The following PPP5C variants were observed in gnomAD, a reference collection of about 807,000 sequenced individuals.
PPP5C encodes the protein serine/threonine-protein phosphatase 5.
PPP5C carries 21 observed loss-of-function variants against 66.7 expected under a neutral mutation model. That is an observed-to-expected ratio of 0.31 (90% confidence interval 0.22 to 0.45). The LOEUF is 0.45. PPP5C is among the 20% of genes least tolerant of loss of function. The pLI, the probability that PPP5C is intolerant of heterozygous loss-of-function variation, is 1.00. For synonymous variants in PPP5C, 246 were observed against 257.4 expected (o/e 0.96, Z 0.43); for missense variants, 464 against 675.9 (o/e 0.69, Z 3.48).
intron 2 of PPP5C, among the ~76,000 whole-genome samples, chr19:46,366,500 C>T (rs1224038676): frequency 1.3e-5 from 2 of 152,030 alleles, no homozygotes; most frequent in Admixed American, 1.3e-4. Context: ...TGCATGCCAC[C>T]GTGCCTGGCT....
chr19:46,356,381 T>A (rs186742908), intron 2 of PPP5C, among the ~76,000 whole-genome samples: 1 of 152,370 alleles, frequency 6.6e-6, no homozygotes, highest in East Asian at 1.9e-4. Flanking sequence ...CCCAAGACTC[T>A]ACCTCCTGCT....
chr19:46,357,744 A>G (rs1039460286), intron 2 of PPP5C, among the ~76,000 whole-genome samples: 1 of 152,254 alleles, frequency 6.6e-6, no homozygotes, highest in Non-Finnish European at 1.5e-5. Context: ...TACAAAGGAT[A>G]CAGATGAGAT....
At chr19:46,356,975 C>G (rs548393367) in intron 2 of PPP5C, among the ~76,000 whole-genome samples, 11 of 152,254 alleles carry the variant, frequency 7.2e-5, no homozygotes, top group Non-Finnish European at 2.9e-5. Flanking sequence ...TTTTTCTCAG[C>G]CTTAGTGTCC....
intron 2 of PPP5C, among the ~76,000 whole-genome samples, chr19:46,362,665 A>G (rs1178087205): frequency 6.6e-6 from 1 of 152,152 alleles, no homozygotes; most frequent in Non-Finnish European, 1.5e-5. Context: ...TAAATTTTCT[A>G]TTAACCATTT....
intron 1 of PPP5C, 55 bp downstream of exon 1, chr19:46,347,272 C>A: frequency 1.3e-6 from 2 of 1,533,334 alleles, no homozygotes; most frequent in Non-Finnish European, 1.8e-6. Context: ...GGGTGCCGGG[C>A]CCGCGCGGAA....
At chr19:46,361,589 T>TAAAAAAA (rs935838226) in intron 2 of PPP5C, among the ~76,000 whole-genome samples, 1 of 85,286 alleles carries the variant, frequency 1.2e-5, no homozygotes. Context: ...TACTAAAAAT[T>TAAAAAAA]AAAAAAAAAA....
chr19:46,366,912 C>T (rs376775975), intron 2 of PPP5C, among the ~76,000 whole-genome samples: 58 of 152,248 alleles, frequency 3.8e-4, no homozygotes, highest in African/African-American at 1.3e-3. Context: ...TTTAAAGGGG[C>T]TCACCATATA....
chr19:46,356,330 G>A (rs745390460), intron 2 of PPP5C, among the ~76,000 whole-genome samples: 1 of 152,224 alleles, frequency 6.6e-6, no homozygotes, highest in African/African-American at 2.4e-5. Flanking sequence ...TCCTTTCTGC[G>A]CAGTTCTTCA....
At chr19:46,385,990 G>A (rs1424760802) in intron 7 of PPP5C, among the ~76,000 whole-genome samples, 1 of 151,588 alleles carries the variant, frequency 6.6e-6, no homozygotes, top group Non-Finnish European at 1.5e-5. Context: ...AGAGCCCAGA[G>A]TATTTGCTGG....
chr19:46,385,883 G>A (rs1322088920), intron 7 of PPP5C, among the ~76,000 whole-genome samples: 1 of 151,620 alleles, frequency 6.6e-6, no homozygotes, highest in African/African-American at 2.4e-5. Flanking sequence ...GTGTAAGGCT[G>A]CAGTGAGCCA....
intron 1 of PPP5C, 32 bp from the exon 2 acceptor site, chr19:46,353,716 A>C (rs1430274800): frequency 6.2e-7 from 1 of 1,613,090 alleles, no homozygotes; most frequent in African/African-American, 1.3e-5. Context: ...GGGTTGGAGC[A>C]CTGCCTCATG....
In PPP5C at chr19:46,363,307, CAAAAAAAAAAAAA is replaced by C. The variant is rs1158423038; in HGVS notation, c.363+9346_363+9358del. On this transcript the variant is annotated intron_variant, in intron 2 of 12. Coordinates refer to ENST00000012443, the MANE Select transcript of PPP5C (RefSeq NM_006247.4). ...TGGGCGACAGAGCGAGACTCCATCT[CAAAAAAAAAAAAA>C]AAAAAAAAAAAAAAAAAAAAAAAAA... 5.2e-3 allele frequency among the ~76,000 whole-genome samples: 146 copies of C among 27,910 alleles called. 1 individual carries two copies. The highest frequency in any genetic ancestry group is 0.016 in the African/African-American group (85 of 5,430). The allele number at this position is 27,910 out of a possible 152,430, so 18.3% of individuals were successfully genotyped here.
In PPP5C at chr19:46,387,395, C is replaced by T. The variant is rs750800832; in HGVS notation, c.1077C>T (p.Asp359=). The T allele has an allele frequency of 1.3e-5, 21 of 1,610,980 alleles. No homozygotes were observed. Among genetic ancestry groups the T allele is most frequent in the Middle Eastern group, 1.6e-4 (1 of 6,074 alleles). Residue 359 remains aspartate (D), a synonymous_variant, in exon 9 of 13, where the codon GAC becomes GAT. Transcript: ENST00000012443. ...LIMHGGLFSE[D]GVTLDDIRKI... ...TGCACGGAGGCCTGTTCAGTGAAGA[C>T]GGTGTCACCCTGGATGACATCCGGA...
chr19:46,356,557 G>GCCTGAATTCAGACTGACCTTTGTGCA (rs1972290742), intron 2 of PPP5C, among the ~76,000 whole-genome samples: 1 of 152,154 alleles, frequency 6.6e-6, no homozygotes, highest in African/African-American at 2.4e-5. Context: ...CCTGAATTCA[G>GCCTGAATTCAGACTGACCTTTGTGCA]CCTGAATTCA....
intron 1 of PPP5C, among the ~76,000 whole-genome samples, chr19:46,351,533 C>T (rs768752664): frequency 6.6e-6 from 1 of 152,240 alleles, no homozygotes; most frequent in Non-Finnish European, 1.5e-5. Context: ...CCTGCAGCCT[C>T]GAGTTAGAGA....
At position 46,388,300 on chromosome 19, in the gene PPP5C, C is replaced by G; in HGVS notation, c.1136-108C>G. 1 of 1,248,144 alleles carries G rather than the reference C, an allele frequency of 8.0e-7. No homozygotes were observed. The allele number at this position is 1,248,144 out of a possible 1,614,324, so 77.3% of individuals were successfully genotyped here. ...TGGATGTCCCCTGCCCAACACCCAC[C>G]CAGGCTGGGCTGTGGGGTCAGCACC... On this transcript the variant is annotated intron_variant, in intron 9 of 12. Coordinates refer to ENST00000012443, the MANE Select transcript of PPP5C (RefSeq NM_006247.4). The surrounding 1 kb of genome is among the most constrained non-coding windows in gnomAD (Gnocchi z 4.9).
rs770899505 is a variant in PPP5C at position 46,347,154 on chromosome 19, C to T, written c.58C>T (p.Pro20Ser). ...TGCTGAGCCCCCCCGGGACGAACCC[C>T]CGGCTGATGGAGCTCTGAAGCGGGC... is the stretch of plus-strand genomic sequence containing the variant. Reference protein sequence around the residue: ...ECAEPPRDEPPADGALKRAEE... With the variant: ...ECAEPPRDEPSADGALKRAEE... Residue 20 changes from proline (P) to serine (S), a missense_variant, in exon 1 of 13, where the codon CCG (proline) becomes TCG (serine). Pro to Ser is a moderately conservative substitution (Grantham distance 74). Transcript: ENST00000012443. 1 of 1,605,772 alleles carries T rather than the reference C, an allele frequency of 6.2e-7. No homozygotes were observed. The highest frequency in any genetic ancestry group is 8.5e-7 in the Non-Finnish European group (1 of 1,176,490).
chr19:46,383,123 T>A lies in PPP5C; in HGVS notation c.634-288T>A, dbSNP rs376194841. 3.8e-5 allele frequency: 50 copies of A among 1,330,638 alleles called. No homozygotes were observed. The East Asian group carries it at 1.1e-3, about 30-fold the overall frequency. 82.4% of individuals were successfully genotyped at this position (1,330,638 alleles called of 1,614,324 possible). A position where few individuals can be genotyped will look rare whatever the true frequency, so the allele number is the denominator to read the frequency against. ...TTTATAAAATGTTCTACGATCTGGA[T>A]TCATGCATGTATTTCCACTTGATGC... On this transcript the variant is annotated intron_variant, in intron 4 of 12. Coordinates refer to ENST00000012443, the MANE Select transcript of PPP5C (RefSeq NM_006247.4). This position sits in a 1 kb window ranked among gnomAD's most constrained non-coding sequence, Gnocchi z 5.0.
In PPP5C at chr19:46,388,203, A is replaced by C; in HGVS notation, c.1136-205A>C. On this transcript the variant is annotated intron_variant, in intron 9 of 12. Transcript: ENST00000012443. This position sits in a 1 kb window ranked among gnomAD's most constrained non-coding sequence, Gnocchi z 4.9. ...CCACAGGGGATTGAATGGGGTCTGGAGGGCAGATCAGCAGAGAGGGTGGGG... is the reference window on the plus strand; with the variant it reads ...CCACAGGGGATTGAATGGGGTCTGGCGGGCAGATCAGCAGAGAGGGTGGGG... 1 of 565,438 alleles carries C rather than the reference A, an allele frequency of 1.8e-6. No individual in the cohort carries two copies. Among genetic ancestry groups the C allele is most frequent in the South Asian group, 2.7e-5 (1 of 36,778 alleles). 35.0% of individuals were successfully genotyped at this position (565,438 alleles called of 1,614,324 possible).
Sources: gnomAD v4.1 joint callset for allele counts (sites outside exome capture counted in the v4.1 genomes callset) on GRCh38, gnomAD v4.1.1 for gene constraint, Gnocchi (gnomAD v3.1) non-coding constraint, MANE v1.5 for transcripts, NCBI Gene and HGNC (gene_info 2026-07-23, HGNC 2026-07-21) for gene names.